DTNB: variants seen among roughly 807,000 people sequenced by gnomAD.
The protein encoded by DTNB is dystrobrevin beta.
In DTNB, 63 loss-of-function variants were observed where a neutral mutation model predicts 90.7. That is an observed-to-expected ratio of 0.69 (90% CI 0.57 to 0.86). The LOEUF is 0.86. Ranked by LOEUF, DTNB falls within the 40% of genes least tolerant of loss-of-function variation. DTNB has a pLI of 0.00. For missense variants in DTNB, 744 were observed against 807.1 expected (o/e 0.92, Z 0.95); for synonymous variants, 277 against 286.7 (o/e 0.97, Z 0.34).
chr2:25,620,895 A>C (rs1445948455), intron 4 of DTNB, among the ~76,000 whole-genome samples: 1 of 152,190 alleles, frequency 6.6e-6, no homozygotes, highest in African/African-American at 2.4e-5. Flanking sequence ...GCATGATGGC[A>C]CGCACCCAAC....
At chr2:25,451,078 T>C (rs2059212166) in intron 12 of DTNB, among the ~76,000 whole-genome samples, 1 of 152,244 alleles carries the variant, frequency 6.6e-6, no homozygotes. Context: ...GGTGCTGGGA[T>C]ATACACTTTA....
At chr2:25,612,850 CA>C (rs2069009410) in intron 4 of DTNB, among the ~76,000 whole-genome samples, 1 of 152,122 alleles carries the variant, frequency 6.6e-6, no homozygotes, top group African/African-American at 2.4e-5. Context: ...TTGAAAAACA[CA>C]AACCACCAAA....
intron 12 of DTNB, among the ~76,000 whole-genome samples, chr2:25,450,236 G>A (rs2059073583): frequency 6.6e-6 from 1 of 152,124 alleles, no homozygotes; most frequent in South Asian, 2.1e-4. Context: ...TGAGGCAGGG[G>A]TTGAGATTCT....
chr2:25,433,118 C>T, intron 13 of DTNB, 119 bp from the exon 14 acceptor site: 2 of 999,586 alleles, frequency 2.0e-6, no homozygotes, highest in East Asian at 2.7e-5. Context: ...GTTTTGATTG[C>T]TTCCAAATGG....
intron 4 of DTNB, among the ~76,000 whole-genome samples, chr2:25,609,657 TACACACACACACACACACACACACACAC>T (rs4007298): frequency 1.3e-4 from 17 of 127,006 alleles, no homozygotes; most frequent in Admixed American, 2.4e-4. Context: ...TAATAGAATG[TACACACACACACACACACACACACACAC>T]ACACACACAC....
At chr2:25,402,299 C>A (rs1291439319) in intron 16 of DTNB, among the ~76,000 whole-genome samples, 1 of 152,112 alleles carries the variant, frequency 6.6e-6, no homozygotes, top group Non-Finnish European at 1.5e-5. Flanking sequence ...AATGGAAGTG[C>A]TCAGAGAATG....
intron 5 of DTNB, among the ~76,000 whole-genome samples, chr2:25,599,219 T>G (rs1411966863): frequency 6.6e-6 from 1 of 150,932 alleles, no homozygotes; most frequent in Admixed American, 6.6e-5. Context: ...ATAAAGGAAG[T>G]TTAAAAGTTA....
intron 12 of DTNB, among the ~76,000 whole-genome samples, chr2:25,442,085 G>A (rs968009753): frequency 3.3e-5 from 5 of 152,002 alleles, no homozygotes; most frequent in Non-Finnish European, 5.9e-5. Context: ...TGGCAAGTTC[G>A]CCTAAAGTGT....
rs1483874162 is a variant in DTNB, at chr2:25,432,881, C to G, written c.1457+5G>C. 6.3e-7 allele frequency: 1 copy of G among 1,591,954 alleles called. No homozygotes were observed. Among genetic ancestry groups the G allele is most frequent in the Non-Finnish European group, 8.5e-7 (1 of 1,169,954 alleles). ...TGTGGCAAGTGGTAGAGTGTCCCTACTCACCTCAGCAGCCGCAGCTCTGCC... is the reference window on the plus strand; with the variant it reads ...TGTGGCAAGTGGTAGAGTGTCCCTAGTCACCTCAGCAGCCGCAGCTCTGCC... On this transcript the variant is annotated splice_donor_5th_base_variant and intron_variant, in intron 14 of 20. Coordinates refer to ENST00000406818, the MANE Select transcript of DTNB (RefSeq NM_021907.5).
At chr2:25,583,389 ATAAAT>A (rs2061859766) in intron 6 of DTNB, among the ~76,000 whole-genome samples, 1 of 151,824 alleles carries the variant, frequency 6.6e-6, no homozygotes, top group Admixed American at 6.5e-5. Flanking sequence ...ATCCTTTGTC[ATAAAT>A]TAAAAGTTTA....
chr2:25,489,601 C>T (rs971553129), intron 9 of DTNB, among the ~76,000 whole-genome samples: 1 of 151,792 alleles, frequency 6.6e-6, no homozygotes, highest in African/African-American at 2.4e-5. Flanking sequence ...GAGGATCATT[C>T]GAGCCCAGTA....
Position 25,669,306 on chromosome 2 carries a change from A to G in DTNB, c.-2+4080T>C, listed in dbSNP as rs141985793. Among the ~76,000 whole-genome samples, 778 of 152,312 alleles carry G rather than the reference A, an allele frequency of 5.1e-3. 5 individuals carry two copies. The highest frequency in any genetic ancestry group is 0.018 in the African/African-American group (732 of 41,572). Reference sequence around the variant, plus strand: ...ATTTTACTATAATAAAAAAAGTTAGAGTGCTGAAAAACTGGTCATCCAAAT... The same window carrying G: ...ATTTTACTATAATAAAAAAAGTTAGGGTGCTGAAAAACTGGTCATCCAAAT... On this transcript the variant is annotated intron_variant, in intron 1 of 20. Transcript: ENST00000406818.
At chr2:25,594,335 A>G (rs906292606) in intron 6 of DTNB, among the ~76,000 whole-genome samples, 11 of 152,270 alleles carry the variant, frequency 7.2e-5, no homozygotes, top group African/African-American at 2.4e-4. Flanking sequence ...GCATAGAGGC[A>G]AATCTGCACA....
intron 1 of DTNB, among the ~76,000 whole-genome samples, chr2:25,666,277 G>C (rs925520142): frequency 6.6e-6 from 1 of 151,924 alleles, no homozygotes; most frequent in African/African-American, 2.4e-5. Context: ...TGTTAAAGAA[G>C]GGAAAAAATA....
intron 1 of DTNB, among the ~76,000 whole-genome samples, chr2:25,656,743 T>C (rs946668359): frequency 6.6e-6 from 1 of 152,244 alleles, no homozygotes; most frequent in African/African-American, 2.4e-5. Context: ...GGCACGTTTA[T>C]TGAAACATCT....
intron 16 of DTNB, among the ~76,000 whole-genome samples, chr2:25,414,132 T>C (rs567498752): frequency 5.3e-5 from 8 of 152,362 alleles, no homozygotes; most frequent in African/African-American, 1.9e-4. Context: ...GGGTTATTTT[T>C]TTTCCTGTAA....
intron 16 of DTNB, 89 bp from the exon 17 acceptor site, chr2:25,388,450 C>G (rs943894689): frequency 3.4e-6 from 5 of 1,465,458 alleles, no homozygotes; most frequent in Non-Finnish European, 4.5e-6. Flanking sequence ...TCAACCAGAG[C>G]CAGCCAGTGG....
intron 8 of DTNB, among the ~76,000 whole-genome samples, chr2:25,548,486 C>A (rs1352649463): frequency 2.0e-5 from 3 of 151,078 alleles, no homozygotes; most frequent in African/African-American, 7.3e-5. Context: ...TTCCTAAGAA[C>A]AGAAGGAGGT....
chr2:25,477,689 C>T (rs1481512782), intron 10 of DTNB, among the ~76,000 whole-genome samples: 1 of 152,016 alleles, frequency 6.6e-6, no homozygotes, highest in Non-Finnish European at 1.5e-5. Context: ...GGAAAAAAGA[C>T]CTCTTCTAAA....
Sources: allele counts gnomAD v4.1 joint callset (sites outside exome capture counted in the v4.1 genomes callset), GRCh38; gene constraint gnomAD v4.1.1; transcripts MANE v1.5; gene names NCBI Gene and HGNC (gene_info 2026-07-23, HGNC 2026-07-21).